The following BMP6 variants were observed in gnomAD, a reference collection of about 807,000 sequenced individuals.
BMP6 encodes the protein VG-1-R.
A neutral mutation model predicts 54.1 loss-of-function variants in BMP6; 17 were observed. The observed-to-expected ratio is 0.31, with a 90% confidence interval of 0.22 to 0.47. BMP6 has a LOEUF of 0.47. BMP6 is among the 20% of genes least tolerant of loss of function. The pLI, the probability that BMP6 is intolerant of heterozygous loss-of-function variation, is 1.00. For synonymous variants in BMP6, 328 were observed against 291.2 expected (o/e 1.13, Z -1.28); for missense variants, 720 against 690.4 (o/e 1.04, Z -0.48).
At chr6:7,763,060 C>G (rs1757638761) in intron 1 of BMP6, among the ~76,000 whole-genome samples, 2 of 152,244 alleles carry the variant, frequency 1.3e-5, no homozygotes, top group Admixed American at 6.5e-5. Flanking sequence ...CATCCCCACA[C>G]TCTGCTTTGC....
intron 1 of BMP6, among the ~76,000 whole-genome samples, chr6:7,811,247 C>T (rs1176214333): frequency 2.0e-5 from 3 of 152,202 alleles, no homozygotes; most frequent in Non-Finnish European, 4.4e-5. Flanking sequence ...GTGACTGTAG[C>T]AATGATTCCC....
At chr6:7,819,686 C>T (rs1028802323) in intron 1 of BMP6, among the ~76,000 whole-genome samples, 3 of 152,114 alleles carry the variant, frequency 2.0e-5, no homozygotes, top group Non-Finnish European at 2.9e-5. Context: ...AGTTTTTTTC[C>T]CTCCAGTTAC....
intron 1 of BMP6, among the ~76,000 whole-genome samples, chr6:7,774,071 C>T (rs190093894): frequency 3.3e-5 from 5 of 152,328 alleles, no homozygotes; most frequent in African/African-American, 4.8e-5. Flanking sequence ...TGGGAGTGGA[C>T]TGCAGTTAGC....
intron 1 of BMP6, among the ~76,000 whole-genome samples, chr6:7,807,600 A>G (rs1445897783): frequency 2.6e-5 from 4 of 152,056 alleles, no homozygotes; most frequent in Admixed American, 2.0e-4. Context: ...TAACATGCAC[A>G]TTTTGGGGCT....
Position 7,726,516 on chromosome 6 carries a change from C to T in BMP6, c.-440C>T, listed in dbSNP as rs527770274. ...CCGGGCATCTCCCGCAGCTCGTGAG[C>T]GGCCCCGCTCCCCGCTGCCCCGGGT... On this transcript the variant is annotated 5_prime_UTR_variant, in exon 1 of 7. Transcript: ENST00000283147. Among the ~76,000 whole-genome samples the T allele has an allele frequency of 1.2e-4, 19 of 152,270 alleles. No homozygotes were observed. The highest frequency in any genetic ancestry group is 3.4e-4 in the African/African-American group (14 of 41,572).
At chr6:7,783,806 A>G (rs1011557341) in intron 1 of BMP6, among the ~76,000 whole-genome samples, 3 of 152,230 alleles carry the variant, frequency 2.0e-5, no homozygotes, top group Non-Finnish European at 2.9e-5. Context: ...CCTCTTCTTC[A>G]TGGAATGAGC....
intron 2 of BMP6, among the ~76,000 whole-genome samples, chr6:7,858,553 T>G (rs1272792285): frequency 6.6e-6 from 1 of 152,032 alleles, no homozygotes; most frequent in Non-Finnish European, 1.5e-5. Flanking sequence ...ACTCTACTTT[T>G]TAGATATGTG....
At chr6:7,860,727 C>T (rs1447875303) in intron 2 of BMP6, among the ~76,000 whole-genome samples, 1 of 152,202 alleles carries the variant, frequency 6.6e-6, no homozygotes, top group Non-Finnish European at 1.5e-5. Flanking sequence ...GGACTGGGTA[C>T]TCACTGCAGA....
intron 1 of BMP6, among the ~76,000 whole-genome samples, chr6:7,822,569 C>T (rs1428539864): frequency 2.0e-5 from 3 of 152,086 alleles, no homozygotes; most frequent in Admixed American, 6.6e-5. Context: ...ATCCTGGGAG[C>T]GTGTGTACAA....
chr6:7,726,502 C>T lies in BMP6; in HGVS notation c.-454C>T, dbSNP rs1761725556. Reference sequence around the variant, plus strand: ...GCGCCACGGTGATGCCGGGCATCTCCCGCAGCTCGTGAGCGGCCCCGCTCC... The same window carrying T: ...GCGCCACGGTGATGCCGGGCATCTCTCGCAGCTCGTGAGCGGCCCCGCTCC... On this transcript the variant is annotated 5_prime_UTR_variant, in exon 1 of 7. Coordinates refer to ENST00000283147, the MANE Select transcript of BMP6 (RefSeq NM_001718.6). 6.6e-6 allele frequency among the ~76,000 whole-genome samples: 1 copy of T among 152,192 alleles called. No homozygotes were observed. Among genetic ancestry groups the T allele is most frequent in the Admixed American group, 6.5e-5 (1 of 15,288 alleles).
chr6:7,788,023 C>G (rs1203002086), intron 1 of BMP6, among the ~76,000 whole-genome samples: 2 of 152,044 alleles, frequency 1.3e-5, no homozygotes, highest in Admixed American at 6.5e-5. Flanking sequence ...AGTATAGTTT[C>G]ACACCACATG....
intron 1 of BMP6, among the ~76,000 whole-genome samples, chr6:7,796,271 C>T (rs1039237416): frequency 6.6e-6 from 1 of 152,186 alleles, no homozygotes; most frequent in Non-Finnish European, 1.5e-5. Context: ...AAGAAGAGTG[C>T]CATCTGGATT....
intron 1 of BMP6, among the ~76,000 whole-genome samples, chr6:7,843,943 G>A (rs1015432842): frequency 1.3e-5 from 2 of 152,136 alleles, no homozygotes; most frequent in East Asian, 1.9e-4. Context: ...GGGGTACAAC[G>A]TGATTTGATA....
chr6:7,834,187 T>C (rs1758836320), intron 1 of BMP6, among the ~76,000 whole-genome samples: 1 of 614 alleles, frequency 1.6e-3, no homozygotes, highest in Non-Finnish European at 7.6e-3. Flanking sequence ...AACAAATGCT[T>C]TTTTTTTTTT....
Position 7,778,677 on chromosome 6 carries a change from T to G in BMP6, c.664+51058T>G, listed in dbSNP as rs75174559. 5.0e-3 allele frequency among the ~76,000 whole-genome samples: 766 copies of G among 152,304 alleles called. 12 individuals are homozygous for G. The highest frequency in any genetic ancestry group is 0.018 in the African/African-American group (729 of 41,562). ...AGGGTTTCAGACCTAGAAAAGAGTT[T>G]GGGATTATCTGGTCTTCACCTTCAC... On this transcript the variant is annotated intron_variant, in intron 1 of 6. Transcript: ENST00000283147.
intron 1 of BMP6, among the ~76,000 whole-genome samples, chr6:7,777,121 G>A (rs1430248850): frequency 6.6e-6 from 1 of 152,202 alleles, no homozygotes; most frequent in East Asian, 1.9e-4. Flanking sequence ...GAGTTCATAT[G>A]CCATGATCTA....
At chr6:7,836,224 T>G (rs978492861) in intron 1 of BMP6, among the ~76,000 whole-genome samples, 1 of 152,184 alleles carries the variant, frequency 6.6e-6, no homozygotes, top group Non-Finnish European at 1.5e-5. Context: ...AAAAAATGAC[T>G]ATTAACCCTT....
rs951075933 is a variant in BMP6 at position 7,880,694 on chromosome 6, T to C, written c.*351T>C. 2 of 305,200 alleles carry C rather than the reference T, an allele frequency of 6.6e-6. No individual in the cohort carries two copies. The highest frequency in any genetic ancestry group is 6.2e-6 in the Non-Finnish European group (1 of 160,822). 18.9% of individuals were successfully genotyped at this position (305,200 alleles called of 1,614,324 possible). ...GCTATTTGGGGTGTTTGTTAGTAAA[T>C]AGGGAAAATAATCTCAAAGGAGTTA... On this transcript the variant is annotated 3_prime_UTR_variant, in exon 7 of 7. Coordinates refer to ENST00000283147, the MANE Select transcript of BMP6 (RefSeq NM_001718.6).
chr6:7,808,526 A>G (rs942794304), intron 1 of BMP6, among the ~76,000 whole-genome samples: 2 of 152,178 alleles, frequency 1.3e-5, no homozygotes, highest in Admixed American at 6.5e-5. Flanking sequence ...TATTCTTAGG[A>G]CATGGGAAGT....
Sources: gnomAD v4.1 joint callset for allele counts (sites outside exome capture counted in the v4.1 genomes callset) on GRCh38, gnomAD v4.1.1 for gene constraint, MANE v1.5 for transcripts, NCBI Gene and HGNC (gene_info 2026-07-23, HGNC 2026-07-21) for gene names.